The following GLRX5 variants were observed in gnomAD, a reference collection of about 807,000 sequenced individuals.
GLRX5 encodes the protein glutaredoxin 5, also known as glutaredoxin-related protein 5, mitochondrial.
Under a neutral mutation model 13.8 loss-of-function variants are expected in GLRX5, and 10 were observed. That is an observed-to-expected ratio of 0.72 (90% confidence interval 0.45 to 1.23). The LOEUF is 1.23. GLRX5 is among the 50% of genes most tolerant of loss of function. The pLI is 0.00. For missense variants in GLRX5, 233 were observed against 215.2 expected, an observed-to-expected ratio of 1.08 and a Z score of -0.52; for synonymous variants, 98 against 101.1, an observed-to-expected ratio of 0.97 and a Z score of 0.18.
intron 1 of GLRX5, among the ~76,000 whole-genome samples, chr14:95,542,364 T>A (rs1474735762): frequency 6.6e-6 from 1 of 152,250 alleles, no homozygotes; most frequent in Non-Finnish European, 1.5e-5. Context: ...CCAGAGTGGC[T>A]GAGAGGTGTC....
At chr14:95,537,750 C>T (rs974413272) in intron 1 of GLRX5, among the ~76,000 whole-genome samples, 5 of 152,176 alleles carry the variant, frequency 3.3e-5, no homozygotes, top group African/African-American at 7.2e-5. Flanking sequence ...GTGCCTAAAC[C>T]GGAGGAAAAC....
chr14:95,535,542 T>A (rs998357073), intron 1 of GLRX5, among the ~76,000 whole-genome samples, 158 bp downstream of exon 1: 2 of 152,228 alleles, frequency 1.3e-5, no homozygotes, highest in Admixed American at 6.5e-5. Context: ...AGTACTGCCC[T>A]GGAGTAGAGT....
intron 1 of GLRX5, 164 bp from the exon 2 acceptor site, chr14:95,543,783 A>G: frequency 1.5e-6 from 1 of 664,858 alleles, no homozygotes; most frequent in Non-Finnish European, 2.7e-6. Flanking sequence ...TCTCTTTGAC[A>G]CAAAAACTCA....
chr14:95,537,926 A>G (rs773324055), intron 1 of GLRX5, among the ~76,000 whole-genome samples: 4 of 152,236 alleles, frequency 2.6e-5, no homozygotes, highest in Non-Finnish European at 5.9e-5. Context: ...GAAGACAGTC[A>G]CAAAGGGATC....
At position 95,535,109 on chromosome 14, in the gene GLRX5, G is replaced by A. The variant is rs1388603479; in HGVS notation, c.20G>A (p.Arg7Gln). 6.1e-6 allele frequency: 8 copies of A among 1,312,492 alleles called. No homozygotes were observed. The highest frequency in any genetic ancestry group is 5.9e-5 in the Admixed American group (2 of 34,050). The allele number at this position is 1,312,492 out of a possible 1,614,324, so 81.3% of individuals were successfully genotyped here. A position where few individuals can be genotyped will look rare whatever the true frequency, so the allele number is the denominator to read the frequency against. The change falls in exon 1 of 2, where the codon CGA becomes CAA. Residue 7 changes from arginine to glutamine, a missense_variant. Arg to Gln is a conservative substitution (Grantham distance 43, BLOSUM62 1). Coordinates refer to ENST00000331334, the MANE Select transcript of GLRX5 (RefSeq NM_016417.3). ...GCGGAGATGAGCGGGTCCCTCGGCC[G>A]AGCTGCGGCGGCTCTGCTCCGCTGG... MSGSLGRAAAALLRWGR... is the reference protein window; with the variant it reads MSGSLGQAAAALLRWGR...
At chr14:95,541,692 C>A (rs1464417630) in intron 1 of GLRX5, among the ~76,000 whole-genome samples, 1 of 152,182 alleles carries the variant, frequency 6.6e-6, no homozygotes, top group Non-Finnish European at 1.5e-5. Context: ...ATATGATCAA[C>A]AGCAACATAA....
Position 95,535,329 on chromosome 14 carries a change from C to T in GLRX5, c.240C>T (p.His80=), listed in dbSNP as rs28611006. ...SNAVVQILRL[H]GVRDYAAYNV... ...CCGTGGTGCAGATCCTGCGGCTGCA[C>T]GGCGTCCGCGATTACGCGGCCTACA... is the stretch of plus-strand genomic sequence containing the variant. Residue 80 remains histidine (H), a synonymous_variant, in exon 1 of 2, where the codon CAC becomes CAT. Coordinates refer to ENST00000331334, the MANE Select transcript of GLRX5 (RefSeq NM_016417.3). 1.9e-3 allele frequency: 3,002 copies of T among 1,554,402 alleles called. 56 individuals are homozygous for T. In the African/African-American group the frequency reaches 0.037, roughly 19 times the overall value.
chr14:95,537,086 C>G (rs1210154063), intron 1 of GLRX5, among the ~76,000 whole-genome samples: 1 of 152,122 alleles, frequency 6.6e-6, no homozygotes, highest in East Asian at 1.9e-4. Flanking sequence ...CAGGGAGTCC[C>G]CTGCAAATTG....
At chr14:95,541,929 A>G (rs528171014) in intron 1 of GLRX5, among the ~76,000 whole-genome samples, 3 of 152,356 alleles carry the variant, frequency 2.0e-5, no homozygotes, top group African/African-American at 4.8e-5. Flanking sequence ...TTCACACAAT[A>G]TATTATTCAT....
intron 1 of GLRX5, among the ~76,000 whole-genome samples, chr14:95,540,949 T>C (rs780323331): frequency 4.6e-4 from 70 of 152,222 alleles, no homozygotes; most frequent in Non-Finnish European, 8.8e-5. Flanking sequence ...AATTTGTTTG[T>C]ATGGGTTTTT....
intron 1 of GLRX5, among the ~76,000 whole-genome samples, chr14:95,539,010 T>C (rs936726873): frequency 6.6e-6 from 1 of 152,134 alleles, no homozygotes; most frequent in Non-Finnish European, 1.5e-5. Context: ...AAGCGGTGGG[T>C]AAGTGAGCTT....
chr14:95,537,130 A>ATCTCG (rs1255891550), intron 1 of GLRX5, among the ~76,000 whole-genome samples: 1 of 152,190 alleles, frequency 6.6e-6, no homozygotes, highest in East Asian at 1.9e-4. Context: ...TGGTGTTGTT[A>ATCTCG]TCTCGCTTAG....
In GLRX5 at chr14:95,540,061, T is replaced by C. The variant is rs968222594; in HGVS notation, c.296-3886T>C. On this transcript the variant is annotated intron_variant, in intron 1 of 1. Transcript: ENST00000331334. ...CCTGGCACCATGCCTGGCTAATTTT[T>C]TTTATTTTTAGTAGGGACAGGGTTT... Among the ~76,000 whole-genome samples, 7 of 152,172 alleles carry C rather than the reference T, an allele frequency of 4.6e-5. No homozygotes were observed. The South Asian group carries it at 1.5e-3, about 32-fold the overall frequency.
At chr14:95,536,285 A>C (rs1891377246) in intron 1 of GLRX5, among the ~76,000 whole-genome samples, 1 of 152,226 alleles carries the variant, frequency 6.6e-6, no homozygotes, top group Non-Finnish European at 1.5e-5. Context: ...GAGGCCAGGC[A>C]CAAGGGCCTG....
chr14:95,540,132 G>A (rs1326731783), intron 1 of GLRX5, among the ~76,000 whole-genome samples: 1 of 152,128 alleles, frequency 6.6e-6, no homozygotes, highest in Non-Finnish European at 1.5e-5. Context: ...CTCAGGTGAT[G>A]CACCAGCCTT....
At position 95,544,683 on chromosome 14, in the gene GLRX5, C is replaced by G. The variant is rs1891531028; in HGVS notation, c.*558C>G. ...TTATGTGTGGGAAGTAAGGGTGAGT[C>G]TCATATTCTTCTATTAAATTTGCCA... On this transcript the variant is annotated 3_prime_UTR_variant, in exon 2 of 2. Transcript: ENST00000331334. 1 of 154,990 alleles carries G rather than the reference C, an allele frequency of 6.5e-6. No homozygotes were observed. Among genetic ancestry groups the G allele is most frequent in the Non-Finnish European group, 1.4e-5 (1 of 69,866 alleles). The allele number at this position is 154,990 out of a possible 1,614,324, so 9.6% of individuals were successfully genotyped here.
intron 1 of GLRX5, among the ~76,000 whole-genome samples, chr14:95,539,025 G>C (rs751479423): frequency 5.3e-5 from 8 of 152,258 alleles, no homozygotes; most frequent in Admixed American, 3.9e-4. Flanking sequence ...GAGCTTTACC[G>C]CCTGAGCTCC....
intron 1 of GLRX5, chr14:95,543,131 A>C (rs763453814): frequency 2.2e-6 from 1 of 455,972 alleles, no homozygotes; most frequent in Non-Finnish European, 4.4e-6. Context: ...TTAAGAGCAG[A>C]GCGGGTCTCA....
At chr14:95,535,940 C>T (rs1891369339) in intron 1 of GLRX5, among the ~76,000 whole-genome samples, 1 of 152,154 alleles carries the variant, frequency 6.6e-6, no homozygotes, top group Non-Finnish European at 1.5e-5. Context: ...AAGCATCATC[C>T]TCTGTGGTTG....
Sources: gnomAD v4.1 joint callset for allele counts (sites outside exome capture counted in the v4.1 genomes callset) on GRCh38, gnomAD v4.1.1 for gene constraint, MANE v1.5 for transcripts, NCBI Gene and HGNC (gene_info 2026-07-23, HGNC 2026-07-21) for gene names.